ZFHX3: variants seen among roughly 807,000 people sequenced by gnomAD.
ZFHX3 encodes zinc finger homeobox 3, also known as zinc finger homeobox protein 3.
A neutral mutation model predicts 279.1 loss-of-function variants in ZFHX3; 42 were observed. That is an observed-to-expected ratio of 0.15 (90% CI 0.12 to 0.19). ZFHX3 has a LOEUF of 0.19. Ranked by LOEUF, ZFHX3 falls within the 10% of genes least tolerant of loss-of-function variation. ZFHX3 has a pLI of 1.00. For missense variants in ZFHX3, 4,981 were observed against 4,754.0 expected, an observed-to-expected ratio of 1.05 and a Z score of -1.40; for synonymous variants, 2,293 against 1,957.8, an observed-to-expected ratio of 1.17 and a Z score of -4.52.
chr16:73,790,153 TA>T (rs1237521123), intron 1 of ZFHX3, among the ~76,000 whole-genome samples: 1 of 152,136 alleles, frequency 6.6e-6, no homozygotes, highest in East Asian at 1.9e-4. Flanking sequence ...GTTCTGAGGT[TA>T]AAAATAGTAA....
At chr16:73,124,298 G>A (rs1210028955) in intron 7 of ZFHX3, among the ~76,000 whole-genome samples, 1 of 152,124 alleles carries the variant, frequency 6.6e-6, no homozygotes, top group Non-Finnish European at 1.5e-5. Flanking sequence ...CTGCGTTCTG[G>A]TTCATAGATG....
intron 2 of ZFHX3, among the ~76,000 whole-genome samples, chr16:73,664,889 A>C (rs1222723287): frequency 6.6e-6 from 1 of 152,214 alleles, no homozygotes; most frequent in East Asian, 1.9e-4. Context: ...GCTAACACTT[A>C]GTTAATGCAT....
At chr16:73,705,690 T>G (rs1314221647) in intron 1 of ZFHX3, among the ~76,000 whole-genome samples, 1 of 152,086 alleles carries the variant, frequency 6.6e-6, no homozygotes. Context: ...TAACATTGAG[T>G]GTGATCCAAA....
intron 4 of ZFHX3, among the ~76,000 whole-genome samples, chr16:73,305,696 TG>T (rs2015165226): frequency 6.6e-6 from 1 of 152,022 alleles, no homozygotes; most frequent in Non-Finnish European, 1.5e-5. Flanking sequence ...CCCAAGTTCC[TG>T]GGAGTTTCTG....
Position 73,003,345 on chromosome 16 carries a change from G to A in ZFHX3, c.-49-43151C>T, listed in dbSNP as rs1307074545. ...AAAAAAAAAAAAACCATCAGACAAA[G>A]ACTCCGCCCTTGTGAAGCTTAGATT... On this transcript the variant is annotated intron_variant, in intron 1 of 9. Coordinates refer to ENST00000268489, the MANE Select transcript of ZFHX3 (RefSeq NM_006885.4). 2.7e-5 allele frequency among the ~76,000 whole-genome samples: 4 copies of A among 148,990 alleles called. No homozygotes were observed. The South Asian group carries it at 8.5e-4, about 32-fold the overall frequency.
In ZFHX3 at chr16:72,797,495, C is replaced by T. The variant is rs747016999; in HGVS notation, c.5187G>A (p.Gln1729=). Residue 1729 remains glutamine, a synonymous_variant, in exon 9 of 10, where the codon CAG becomes CAA. Coordinates refer to ENST00000268489, the MANE Select transcript of ZFHX3 (RefSeq NM_006885.4). ...GTTGTTGTTGTTGTTGTTGCTGTTGCTGCTGCTGTTGTTGCTGCTGCCTGG... is the reference window on the plus strand; with the variant it reads ...GTTGTTGTTGTTGTTGTTGCTGTTGTTGCTGCTGTTGTTGCTGCTGCCTGG... ...IASRQQQQQQ[Q]QQQQQQQQQQ... The T allele has an allele frequency of 6.2e-7, 1 of 1,612,688 alleles. No homozygotes were observed. Among genetic ancestry groups the T allele is most frequent in the Non-Finnish European group, 8.5e-7 (1 of 1,179,440 alleles).
intron 1 of ZFHX3, among the ~76,000 whole-genome samples, chr16:72,979,664 C>A (rs571544436): frequency 6.6e-6 from 1 of 152,114 alleles, no homozygotes; most frequent in African/African-American, 2.4e-5. Context: ...TAGGTGATGG[C>A]CCCATAAGAA....
chr16:73,640,492 A>G (rs2052563983), intron 2 of ZFHX3, among the ~76,000 whole-genome samples: 1 of 152,210 alleles, frequency 6.6e-6, no homozygotes, highest in Non-Finnish European at 1.5e-5. Flanking sequence ...AGTAGAAGTA[A>G]TATTTTTAGA....
chr16:73,454,574 C>CAAAAA (rs11417738), intron 3 of ZFHX3, among the ~76,000 whole-genome samples: 1 of 137,476 alleles, frequency 7.3e-6, no homozygotes, highest in Non-Finnish European at 1.6e-5. Context: ...CCAAATTTCT[C>CAAAAA]AAAAAAAAAA....
At chr16:73,376,085 TTCC>T (rs1348019107) in intron 3 of ZFHX3, among the ~76,000 whole-genome samples, 2 of 152,228 alleles carry the variant, frequency 1.3e-5, no homozygotes, top group Admixed American at 1.3e-4. Flanking sequence ...GGCTATCCTG[TTCC>T]TCCTCCTTTC....
chr16:73,436,734 T>C (rs2018006268), intron 3 of ZFHX3, among the ~76,000 whole-genome samples: 3 of 143,154 alleles, frequency 2.1e-5, no homozygotes, highest in Non-Finnish European at 1.5e-5. Context: ...GTGACTTTGA[T>C]GCAAGGAAGC....
At chr16:72,859,753 G>A (rs769316397) in intron 4 of ZFHX3, among the ~76,000 whole-genome samples, 3 of 152,144 alleles carry the variant, frequency 2.0e-5, no homozygotes, top group Non-Finnish European at 4.4e-5. Flanking sequence ...AATGCGGCAG[G>A]ACATGGGTTA....
intron 2 of ZFHX3, among the ~76,000 whole-genome samples, chr16:73,655,491 G>T (rs1394953103): frequency 1.3e-5 from 2 of 152,040 alleles, no homozygotes; most frequent in East Asian, 3.9e-4. Context: ...GCAAAAGACA[G>T]TTAGAAAATA....
chr16:73,177,407 G>A (rs142778035), intron 5 of ZFHX3, among the ~76,000 whole-genome samples: 63 of 152,260 alleles, frequency 4.1e-4, no homozygotes, highest in African/African-American at 1.4e-3. Context: ...AGGAGAAAAT[G>A]TTTCTTTAAT....
chr16:73,474,971 G>C (rs368144246), intron 2 of ZFHX3, among the ~76,000 whole-genome samples: 3 of 152,120 alleles, frequency 2.0e-5, no homozygotes, highest in Non-Finnish European at 4.4e-5. Flanking sequence ...TGCCACCAGA[G>C]GGACCCTGTA....
At chr16:73,236,896 T>C (rs1451768861) in intron 5 of ZFHX3, among the ~76,000 whole-genome samples, 16 of 152,134 alleles carry the variant, frequency 1.1e-4, no homozygotes, top group Non-Finnish European at 1.5e-5. Context: ...GTACCTGAGA[T>C]AACTTCAACA....
At position 72,795,408 on chromosome 16, in the gene ZFHX3, G is replaced by C; in HGVS notation, c.7274C>G (p.Ala2425Gly). 1 of 1,614,154 alleles carries C rather than the reference G, an allele frequency of 6.2e-7. No homozygotes were observed. The highest frequency in any genetic ancestry group is 8.5e-7 in the Non-Finnish European group (1 of 1,180,044). ...ELATFNSKTE[A>G]GDEKPKLAEA... is the part of the protein sequence containing the mutation. Reference sequence around the variant, plus strand: ...CGCCAGCTTTGGTTTCTCATCGCCTGCCTCTGTTTTTGAATTGAAGGTGGC... The same window carrying C: ...CGCCAGCTTTGGTTTCTCATCGCCTCCCTCTGTTTTTGAATTGAAGGTGGC... Residue 2425 changes from alanine (A) to glycine (G), a missense_variant, in exon 9 of 10, where the codon GCA (alanine) becomes GGA (glycine). This residue lies in a region of ZFHX3 where 744 missense variants were observed against 701.3 expected (regional missense o/e 1.06). Coordinates refer to ENST00000268489, the MANE Select transcript of ZFHX3 (RefSeq NM_006885.4).
intron 1 of ZFHX3, among the ~76,000 whole-genome samples, chr16:72,998,470 C>T (rs1963371228): frequency 1.3e-5 from 2 of 152,092 alleles, no homozygotes; most frequent in South Asian, 2.1e-4. Context: ...CTTATTTAAC[C>T]GAATCTGTCT....
intron 8 of ZFHX3, among the ~76,000 whole-genome samples, chr16:73,075,957 A>C (rs1467259565): frequency 6.6e-6 from 1 of 152,154 alleles, no homozygotes; most frequent in Non-Finnish European, 1.5e-5. Context: ...ATGAAACAAA[A>C]TTTAGAGAAC....
Sources: gnomAD v4.1 joint callset for allele counts (sites outside exome capture counted in the v4.1 genomes callset) on GRCh38, gnomAD v4.1.1 for gene constraint, gnomAD v4.1.1 regional missense constraint, MANE v1.5 for transcripts, NCBI Gene and HGNC (gene_info 2026-07-23, HGNC 2026-07-21) for gene names.